Variants in STK32A observed in about 807,000 individuals in gnomAD.
STK32A encodes the protein serine/threonine kinase 32A, also known as serine/threonine-protein kinase 32A.
STK32A carries 41 observed loss-of-function variants against 53.2 expected under a neutral mutation model. The ratio of observed to expected loss-of-function variants is 0.77; its 90% CI spans 0.60 to 1.00. The LOEUF is 1.00. Ranked by LOEUF, STK32A falls within the 50% of genes least tolerant of loss-of-function variation. The pLI is 0.00. For synonymous variants in STK32A, 166 were observed against 162.8 expected (o/e 1.02, Z -0.15); for missense variants, 458 against 485.8 (o/e 0.94, Z 0.54).
chr5:147,274,775 A>G (rs1483130330), intron 2 of STK32A, among the ~76,000 whole-genome samples: 2 of 152,228 alleles, frequency 1.3e-5, no homozygotes, highest in Admixed American at 6.5e-5. Context: ...CTCATTTTAT[A>G]GATGCAGAAA....
chr5:147,393,848 G>GA, the STK32A span: 1 of 641,818 alleles, frequency 1.6e-6, no homozygotes, highest in African/African-American at 1.8e-5. Flanking sequence ...TGCATAAACA[G>GA]AAAACAAAGC....
At chr5:147,397,616 G>A in the STK32A span, 1 of 1,571,516 alleles carries the variant, frequency 6.4e-7, no homozygotes, top group African/African-American at 1.3e-5. Flanking sequence ...CTCTGAGCGT[G>A]AGTGGAACAC....
At chr5:147,390,767 G>A (rs1757776325), downstream of STK32A, 1 of 152,482 alleles carries the variant, frequency 6.6e-6, no homozygotes, top group Non-Finnish European at 1.5e-5. Flanking sequence ...TATTATAGGT[G>A]AAAATGCACA....
the STK32A span, chr5:147,401,514 C>G: frequency 6.3e-7 from 1 of 1,592,636 alleles, no homozygotes; most frequent in Non-Finnish European, 8.6e-7. Flanking sequence ...CACAAAACGC[C>G]TGCTGCTGGG....
chr5:147,384,540 C>A lies in STK32A; in HGVS notation c.*557C>A. 1.1e-6 allele frequency: 1 copy of A among 943,054 alleles called. No individual in the cohort carries two copies. Among genetic ancestry groups the A allele is most frequent in the Non-Finnish European group, 1.6e-6 (1 of 626,348 alleles). The allele number at this position is 943,054 out of a possible 1,614,324, so 58.4% of individuals were successfully genotyped here. A position where few individuals can be genotyped will look rare whatever the true frequency, so the allele number is the denominator to read the frequency against. On this transcript the variant is annotated 3_prime_UTR_variant, in exon 13 of 13. Coordinates refer to ENST00000397936, the MANE Select transcript of STK32A (RefSeq NM_001112724.2). ...GTAACAGAGATGGATGAGGGCCTTC[C>A]AGTGATATGCGTGAATCAGCATTAG...
the STK32A span, chr5:147,401,853 C>T: frequency 1.7e-5 from 13 of 769,694 alleles, no homozygotes; most frequent in Admixed American, 4.5e-4. Context: ...AAAGCCCCTG[C>T]TTTCCTATCT....
At chr5:147,348,488 A>G (rs1755798023) in intron 6 of STK32A, among the ~76,000 whole-genome samples, 1 of 152,218 alleles carries the variant, frequency 6.6e-6, no homozygotes, top group Admixed American at 6.5e-5. Context: ...ATATCTAACA[A>G]GTTCCCAGGT....
intron 7 of STK32A, among the ~76,000 whole-genome samples, chr5:147,360,174 G>A (rs1276584240): frequency 6.6e-6 from 1 of 152,026 alleles, no homozygotes; most frequent in African/African-American, 2.4e-5. Context: ...TATTGGCTGG[G>A]TGCAGTGACT....
intron 4 of STK32A, among the ~76,000 whole-genome samples, chr5:147,314,077 C>A (rs1472862885): frequency 6.6e-6 from 1 of 151,978 alleles, no homozygotes; most frequent in Admixed American, 6.5e-5. Flanking sequence ...AAATTGGACA[C>A]CATCAAAATT....
At chr5:147,309,367 G>A (rs926097324) in intron 4 of STK32A, among the ~76,000 whole-genome samples, 2 of 152,132 alleles carry the variant, frequency 1.3e-5, no homozygotes, top group African/African-American at 2.4e-5. Context: ...TTGAGATGCC[G>A]AGAAGATCTG....
the STK32A span, among the ~76,000 whole-genome samples, chr5:147,398,119 T>G: frequency 6.6e-6 from 1 of 152,194 alleles, no homozygotes; most frequent in African/African-American, 2.4e-5. Context: ...AAAGAGAAGC[T>G]GGATAACTAT....
At chr5:147,274,301 G>C (rs540742761) in intron 2 of STK32A, among the ~76,000 whole-genome samples, 2 of 152,280 alleles carry the variant, frequency 1.3e-5, no homozygotes, top group Admixed American at 6.5e-5. Context: ...AGCCCTGTCA[G>C]CATGAGTGAG....
At chr5:147,369,410 G>A (rs1366258054) in intron 8 of STK32A, among the ~76,000 whole-genome samples, 1 of 152,050 alleles carries the variant, frequency 6.6e-6, no homozygotes, top group Non-Finnish European at 1.5e-5. Context: ...TTACCTTTGT[G>A]TCAATAATGA....
chr5:147,321,706 A>G (rs1782664626), intron 4 of STK32A, among the ~76,000 whole-genome samples: 1 of 152,238 alleles, frequency 6.6e-6, no homozygotes, highest in Non-Finnish European at 1.5e-5. Flanking sequence ...GTTAAATGGA[A>G]TAATAGGAGA....
the STK32A span, chr5:147,393,223 A>G: frequency 2.0e-5 from 3 of 152,408 alleles, no homozygotes; most frequent in African/African-American, 7.2e-5. Context: ...TAAGAGCACC[A>G]AAGAGGCAGG....
intron 5 of STK32A, among the ~76,000 whole-genome samples, chr5:147,334,406 G>A (rs1175771943): frequency 6.6e-6 from 1 of 152,116 alleles, no homozygotes; most frequent in African/African-American, 2.4e-5. Flanking sequence ...TTTATGGATG[G>A]CGTCCATTCT....
At chr5:147,250,679 C>T (rs189349962) in intron 2 of STK32A, among the ~76,000 whole-genome samples, 8 of 152,186 alleles carry the variant, frequency 5.3e-5, no homozygotes, top group East Asian at 3.9e-4. Flanking sequence ...CGGTGGCTCA[C>T]GCCTGTAATC....
the STK32A span, chr5:147,401,685 A>G: frequency 6.2e-7 from 1 of 1,614,122 alleles, no homozygotes; most frequent in African/African-American, 1.3e-5. Context: ...GGCTCACCAA[A>G]GACTACATTT....
At chr5:147,257,112 G>T (rs1230079335) in intron 2 of STK32A, among the ~76,000 whole-genome samples, 4 of 152,098 alleles carry the variant, frequency 2.6e-5, no homozygotes, top group Non-Finnish European at 5.9e-5. Flanking sequence ...GCTGACAGCT[G>T]GGGGGAGGGC....
Sources: allele counts gnomAD v4.1 joint callset (sites outside exome capture counted in the v4.1 genomes callset), GRCh38; gene constraint gnomAD v4.1.1; transcripts MANE v1.5; gene names NCBI Gene and HGNC (gene_info 2026-07-23, HGNC 2026-07-21).